The following IGSF3 variants were observed in gnomAD, a reference collection of about 807,000 sequenced individuals.
IGSF3 encodes glu-Trp-Ile EWI motif-containing protein 3.
Under a neutral mutation model 114.4 loss-of-function variants are expected in IGSF3, and 23 were observed. The observed-to-expected ratio is 0.20, with a 90% CI of 0.14 to 0.28. The LOEUF is 0.28. IGSF3 is among the 10% of genes least tolerant of loss of function. The pLI, the probability that IGSF3 is intolerant of heterozygous loss-of-function variation, is 1.00. For synonymous variants in IGSF3, 571 were observed against 645.2 expected, an observed-to-expected ratio of 0.88 and a Z score of 1.74; for missense variants, 1,172 against 1,591.5, an observed-to-expected ratio of 0.74 and a Z score of 4.48.
At position 116,588,672 on chromosome 1, in the gene IGSF3, C is replaced by T. The variant is rs557772051; in HGVS notation, c.2440+22G>A. 1.2e-5 allele frequency: 18 copies of T among 1,533,496 alleles called. No homozygotes were observed. Among genetic ancestry groups the T allele is most frequent in the Middle Eastern group, 2.2e-4 (1 of 4,510 alleles). The allele number at this position is 1,533,496 out of a possible 1,614,324, so 95.0% of individuals were successfully genotyped here. A position where few individuals can be genotyped will look rare whatever the true frequency, so the allele number is the denominator to read the frequency against. On this transcript the variant is annotated intron_variant, in intron 8 of 10. Coordinates refer to ENST00000369486, the MANE Select transcript of IGSF3 (RefSeq NM_001007237.3). The surrounding 1 kb of genome is among the most constrained non-coding windows in gnomAD (Gnocchi z 4.9). ...CTGCACTAAACCCACTGGCCCAGGA[C>T]AGCCGTGCCCTGCGGCCTTACCTGG...
At chr1:116,631,932 T>G (rs1647608636) in intron 2 of IGSF3, among the ~76,000 whole-genome samples, 1 of 152,178 alleles carries the variant, frequency 6.6e-6, no homozygotes, top group African/African-American at 2.4e-5. Context: ...ATACCTGGCA[T>G]TCAATCCTCC....
chr1:116,592,721 A>G lies in IGSF3; in HGVS notation c.2030-3617T>C, dbSNP rs1321165054. On this transcript the variant is annotated intron_variant, in intron 7 of 10. Transcript: ENST00000369486. This position sits in a 1 kb window ranked among gnomAD's most constrained non-coding sequence, Gnocchi z 4.5. Reference sequence around the variant, plus strand: ...AAAGGATTCCCTTACGCTCTACTATAGCTGTGTTACTGCTGCCTTACAACG... The same window carrying G: ...AAAGGATTCCCTTACGCTCTACTATGGCTGTGTTACTGCTGCCTTACAACG... Among the ~76,000 whole-genome samples the G allele has an allele frequency of 1.3e-5, 2 of 152,166 alleles. No homozygotes were observed. Among genetic ancestry groups the G allele is most frequent in the Non-Finnish European group, 2.9e-5 (2 of 68,036 alleles).
rs183454900 is a variant in IGSF3 at position 116,626,449 on chromosome 1, A to G, written c.44-9992T>C. ...CTGCACAGTATTCCATCATAGGATT[A>G]CACCACATTTTATTTATTCCAATAT... On this transcript the variant is annotated intron_variant, in intron 2 of 10. Transcript: ENST00000369486. Among the ~76,000 whole-genome samples, 1,187 of 152,284 alleles carry G rather than the reference A, an allele frequency of 7.8e-3. 10 individuals are homozygous for G. Among genetic ancestry groups the G allele is most frequent in the African/African-American group, 0.027 (1,113 of 41,530 alleles).
intron 2 of IGSF3, among the ~76,000 whole-genome samples, chr1:116,631,548 G>C (rs1386901950): frequency 3.3e-5 from 5 of 152,170 alleles, no homozygotes; most frequent in Non-Finnish European, 7.4e-5. Context: ...CCTCCACTGG[G>C]AGTGAAAGGG....
In IGSF3 at chr1:116,583,132, A is replaced by T. The variant is rs1019827166; in HGVS notation, c.2848+1513T>A. Reference sequence around the variant, plus strand: ...CTCATGAGTAAAACCTACCACTCAGAGTTATTGTGAAGACTGAACATAAGT... The same window carrying T: ...CTCATGAGTAAAACCTACCACTCAGTGTTATTGTGAAGACTGAACATAAGT... On this transcript the variant is annotated intron_variant, in intron 9 of 10. Transcript: ENST00000369486. The surrounding 1 kb of genome is among the most constrained non-coding windows in gnomAD (Gnocchi z 4.5). Among the ~76,000 whole-genome samples, 1 of 152,120 alleles carries T rather than the reference A, an allele frequency of 6.6e-6. No individual in the cohort carries two copies. The highest frequency in any genetic ancestry group is 1.5e-5 in the Non-Finnish European group (1 of 68,030).
chr1:116,666,493 G>A lies in IGSF3; in HGVS notation c.-167C>T, dbSNP rs990931344. The A allele has an allele frequency of 3.0e-6, 2 of 675,760 alleles. No individual in the cohort carries two copies. Among genetic ancestry groups the A allele is most frequent in the African/African-American group, 3.6e-5 (2 of 55,430 alleles). 41.9% of individuals were successfully genotyped at this position (675,760 alleles called of 1,614,324 possible). On this transcript the variant is annotated 5_prime_UTR_variant, in exon 2 of 11. Transcript: ENST00000369486. ...AGAAGAGATCAGAAGGAGGGAGTTG[G>A]GGGGAAGGGGAGGAGTGGAGGCAAG...
In IGSF3 at chr1:116,593,314, A is replaced by T. The variant is rs1660200499; in HGVS notation, c.2030-4210T>A. ...CGTGCTGCTGAGGTGGTTGCCGGTAAGTCTGGAGAAGGTGGTTTCTGTGCA... is the reference window on the plus strand; with the variant it reads ...CGTGCTGCTGAGGTGGTTGCCGGTATGTCTGGAGAAGGTGGTTTCTGTGCA... On this transcript the variant is annotated intron_variant, in intron 7 of 10. Transcript: ENST00000369486. The surrounding 1 kb of genome is among the most constrained non-coding windows in gnomAD (Gnocchi z 4.5). Among the ~76,000 whole-genome samples, 1 of 152,238 alleles carries T rather than the reference A, an allele frequency of 6.6e-6. No individual in the cohort carries two copies. Among genetic ancestry groups the T allele is most frequent in the Admixed American group, 6.5e-5 (1 of 15,284 alleles).
Position 116,594,887 on chromosome 1 carries a change from T to G in IGSF3, c.2029+5054A>C. ...CTTCCCAACCTCCCACCCTCACCCCTACCCCATTCCCTCCTCACGCCCCCT... is the reference window on the plus strand; with the variant it reads ...CTTCCCAACCTCCCACCCTCACCCCGACCCCATTCCCTCCTCACGCCCCCT... On this transcript the variant is annotated intron_variant, in intron 7 of 10. Transcript: ENST00000369486. The surrounding 1 kb of genome is among the most constrained non-coding windows in gnomAD (Gnocchi z 5.2). 6.9e-6 allele frequency among the ~76,000 whole-genome samples: 1 copy of G among 144,180 alleles called. No individual in the cohort carries two copies. Among genetic ancestry groups the G allele is most frequent in the Admixed American group, 6.8e-5 (1 of 14,628 alleles). 94.6% of individuals were successfully genotyped at this position (144,180 alleles called of 152,430 possible).
Position 116,629,260 on chromosome 1 carries a change from A to G in IGSF3, c.44-12803T>C, listed in dbSNP as rs960092444. 1.2e-4 allele frequency among the ~76,000 whole-genome samples: 18 copies of G among 152,246 alleles called. No homozygotes were observed. Among genetic ancestry groups the G allele is most frequent in the African/African-American group, 4.3e-4 (18 of 41,466 alleles). On this transcript the variant is annotated intron_variant, in intron 2 of 10. Coordinates refer to ENST00000369486, the MANE Select transcript of IGSF3 (RefSeq NM_001007237.3). The surrounding 1 kb of genome is among the most constrained non-coding windows in gnomAD (Gnocchi z 4.3). ...AGTAAAAGGGGAGAAAGGCTATAAA[A>G]GGATTTGAAAGTATTTTCGTAAAGA...
At chr1:116,604,957 C>T (rs1355173160) in intron 5 of IGSF3, among the ~76,000 whole-genome samples, 1 of 152,184 alleles carries the variant, frequency 6.6e-6, no homozygotes, top group Non-Finnish European at 1.5e-5. Context: ...ATTCACCTAA[C>T]ACATAGTAGG....
rs958541405 is a variant in IGSF3 at position 116,648,987 on chromosome 1, C to T, written c.43+17297G>A. On this transcript the variant is annotated intron_variant, in intron 2 of 10. Transcript: ENST00000369486. This position sits in a 1 kb window ranked among gnomAD's most constrained non-coding sequence, Gnocchi z 4.7. ...CCAGCAAGCTCCAGCCCATTGACAG[C>T]AGACCCCTGAGCAAATCAAGTCAGG... Among the ~76,000 whole-genome samples, 2 of 152,224 alleles carry T rather than the reference C, an allele frequency of 1.3e-5. No individual in the cohort carries two copies. Among genetic ancestry groups the T allele is most frequent in the Middle Eastern group, 3.2e-3 (1 of 316 alleles).
Position 116,666,762 on chromosome 1 carries a change from G to A in IGSF3, c.-436C>T. ...CATTCGGATTCCCCAGAGAGAACAG[G>A]GCAGGTTTCGTCAAAACCTTTGACG... is the stretch of plus-strand genomic sequence containing the variant. On this transcript the variant is annotated 5_prime_UTR_variant, in exon 2 of 11. Coordinates refer to ENST00000369486, the MANE Select transcript of IGSF3 (RefSeq NM_001007237.3). 1 of 424,772 alleles carries A rather than the reference G, an allele frequency of 2.4e-6. No individual in the cohort carries two copies. Among genetic ancestry groups the A allele is most frequent in the East Asian group, 3.5e-5 (1 of 28,924 alleles). The allele number at this position is 424,772 out of a possible 1,614,324, so 26.3% of individuals were successfully genotyped here.
rs748987806 is a variant in IGSF3 at position 116,616,288 on chromosome 1, G to A, written c.213C>T (p.Ile71=). The A allele has an allele frequency of 1.4e-5, 23 of 1,610,178 alleles. No individual in the cohort carries two copies. In the East Asian group the frequency reaches 2.9e-4, roughly 20 times the overall value. The change falls in exon 3 of 11, where the codon ATC becomes ATT. Residue 71 remains isoleucine (I), a synonymous_variant. Transcript: ENST00000369486. The surrounding 1 kb of genome is among the most constrained non-coding windows in gnomAD (Gnocchi z 6.6). ...GGAAGGAAGAGTCCATGGTGCTGAC[G>A]ATCTGCACCTCTCGCTCTGGCGACG... ...LPSSPEREVQ[I]VSTMDSSFPY... is the part of the protein sequence containing the mutation.
At chr1:116,586,356 C>T (rs991430126) in intron 8 of IGSF3, among the ~76,000 whole-genome samples, 5 of 151,668 alleles carry the variant, frequency 3.3e-5, no homozygotes, top group Non-Finnish European at 4.4e-5. Context: ...AGGTTATTTT[C>T]TTTGTTGAGT....
chr1:116,615,275 A>G lies in IGSF3; in HGVS notation c.421+805T>C, dbSNP rs946376030. 4.0e-4 allele frequency among the ~76,000 whole-genome samples: 60 copies of G among 149,380 alleles called. No individual in the cohort carries two copies. Among genetic ancestry groups the G allele is most frequent in the Admixed American group, 3.1e-3 (47 of 15,122 alleles). The stretch of plus-strand genomic sequence containing the variant: ...GGCAACAAGAGCGAAGCTCCATCAC[A>G]CATACACACATACACACACACACAC... On this transcript the variant is annotated intron_variant, in intron 3 of 10. Coordinates refer to ENST00000369486, the MANE Select transcript of IGSF3 (RefSeq NM_001007237.3). This position sits in a 1 kb window ranked among gnomAD's most constrained non-coding sequence, Gnocchi z 4.3.
chr1:116,622,946 A>T (rs886878618), intron 2 of IGSF3, among the ~76,000 whole-genome samples: 6 of 152,240 alleles, frequency 3.9e-5, no homozygotes, highest in South Asian at 2.1e-4. Context: ...TGCAGTCCCA[A>T]GTTAAAAATG....
rs61786579 is a variant in IGSF3 at position 116,603,949 on chromosome 1, A to G, written c.1299T>C (p.Ser433=). ...CCTGCGGCCTGCCTGCCGTGCGGAC[A>G]CTGCAGGAGAAGCGCAGGTCCTCGC... The part of the protein sequence containing the change: ...LEGEDLRFSC[S]VRTAGRPQGR... Residue 433 remains serine, a synonymous_variant, in exon 6 of 11, where the codon AGT becomes AGC. Coordinates refer to ENST00000369486, the MANE Select transcript of IGSF3 (RefSeq NM_001007237.3). The surrounding 1 kb of genome is among the most constrained non-coding windows in gnomAD (Gnocchi z 7.1). The G allele has an allele frequency of 1.2e-6, 2 of 1,613,654 alleles. No individual in the cohort carries two copies. The highest frequency in any genetic ancestry group is 1.7e-6 in the Non-Finnish European group (2 of 1,180,024).
rs1660249091 is a variant in IGSF3 at position 116,594,305 on chromosome 1, A to G, written c.2030-5201T>C. ...TTTTAAAAAAAACTTTCTTTATCCC[A>G]CAACTAGGACAATATAGCAAATTTT... On this transcript the variant is annotated intron_variant, in intron 7 of 10. Coordinates refer to ENST00000369486, the MANE Select transcript of IGSF3 (RefSeq NM_001007237.3). This position sits in a 1 kb window ranked among gnomAD's most constrained non-coding sequence, Gnocchi z 5.2. Among the ~76,000 whole-genome samples the G allele has an allele frequency of 6.6e-6, 1 of 152,200 alleles. No homozygotes were observed. The highest frequency in any genetic ancestry group is 1.5e-5 in the Non-Finnish European group (1 of 68,026).
Position 116,586,202 on chromosome 1 carries a change from A to G in IGSF3, c.2441-1150T>C, listed in dbSNP as rs559819852. 3.9e-5 allele frequency among the ~76,000 whole-genome samples: 6 copies of G among 152,374 alleles called. No individual in the cohort carries two copies. The South Asian group carries it at 6.2e-4, about 16-fold the overall frequency. ...CAATACTGCCTGAATGTTTTACAAC[A>G]TTCATGATTACTTTTGTAATTAAAA... On this transcript the variant is annotated intron_variant, in intron 8 of 10. Transcript: ENST00000369486.
Sources: allele counts gnomAD v4.1 joint callset (sites outside exome capture counted in the v4.1 genomes callset), GRCh38; gene constraint gnomAD v4.1.1; non-coding constraint Gnocchi (gnomAD v3.1); transcripts MANE v1.5; gene names NCBI Gene and HGNC (gene_info 2026-07-23, HGNC 2026-07-21).